MS4A5: variants seen among roughly 807,000 people sequenced by gnomAD.
MS4A5 encodes the protein membrane spanning 4-domains A5.
A neutral mutation model predicts 18.2 loss-of-function variants in MS4A5; 15 were observed. That is an observed-to-expected ratio of 0.83 (90% CI 0.55 to 1.27). MS4A5 has a LOEUF of 1.27. Ranked by LOEUF, MS4A5 falls within the 50% of genes most tolerant of loss-of-function variation. MS4A5 has a pLI of 0.00. For missense variants in MS4A5, 232 were observed against 225.7 expected, an observed-to-expected ratio of 1.03 and a Z score of -0.18; for synonymous variants, 89 against 78.7, an observed-to-expected ratio of 1.13 and a Z score of -0.69.
At chr11:60,440,258 C>A (rs2086103353) in intron 4 of MS4A5, among the ~76,000 whole-genome samples, 2 of 103,826 alleles carry the variant, frequency 1.9e-5, no homozygotes, top group South Asian at 3.6e-4. Flanking sequence ...TTCCTTACAC[C>A]TTATACAAAA....
intron 4 of MS4A5, among the ~76,000 whole-genome samples, chr11:60,435,843 C>T (rs1414572265): frequency 1.4e-4 from 21 of 151,742 alleles, no homozygotes; most frequent in African/African-American, 1.7e-4. Flanking sequence ...AAGGCGGCAG[C>T]AAGGCTGGGG....
Position 60,447,675 on chromosome 11 carries a change from C to A in MS4A5, c.519C>A (p.Phe173Leu), listed in dbSNP as rs368602041. The change falls in exon 5 of 5, where the codon TTC (phenylalanine) becomes TTA (leucine). Residue 173 changes from phenylalanine (F) to leucine (L), a missense_variant. Transcript: ENST00000300190. ...GAATTTTGATTACATTGATGACTTT[C>A]AGCATTATTGAATTATTCATTTCTC... ...FLGILITLMT[F>L]SIIELFISLP... The A allele has an allele frequency of 6.3e-6, 10 of 1,586,918 alleles. No homozygotes were observed. Among genetic ancestry groups the A allele is most frequent in the Non-Finnish European group, 8.5e-6 (10 of 1,171,996 alleles).
intron 4 of MS4A5, among the ~76,000 whole-genome samples, chr11:60,436,996 G>A (rs2086084006): frequency 7.4e-6 from 1 of 135,098 alleles, no homozygotes; most frequent in African/African-American, 2.6e-5. Context: ...GGAAATGAAG[G>A]AAAAAATGTT....
intron 4 of MS4A5, among the ~76,000 whole-genome samples, chr11:60,441,846 A>G (rs2086114989): frequency 6.6e-6 from 1 of 152,194 alleles, no homozygotes; most frequent in Non-Finnish European, 1.5e-5. Context: ...ACTAGTAACA[A>G]ACAAATAGAT....
chr11:60,442,623 C>T (rs1415656464), intron 4 of MS4A5, among the ~76,000 whole-genome samples: 1 of 152,124 alleles, frequency 6.6e-6, no homozygotes. Context: ...CCTGCACGTC[C>T]TGCACATGTA....
intron 4 of MS4A5, among the ~76,000 whole-genome samples, chr11:60,438,756 A>T (rs1258074930): frequency 6.7e-6 from 1 of 149,740 alleles, no homozygotes; most frequent in Non-Finnish European, 1.5e-5. Context: ...GACCAATAAC[A>T]GGAGCTGAAA....
intron 4 of MS4A5, among the ~76,000 whole-genome samples, chr11:60,436,421 T>A (rs2086081033): frequency 7.2e-6 from 1 of 139,670 alleles, no homozygotes; most frequent in South Asian, 2.3e-4. Flanking sequence ...CAAAGCTGGA[T>A]GGAGAATGAC....
At chr11:60,447,089 A>ATGCTCTGCTATCTTAT in intron 4 of MS4A5, among the ~76,000 whole-genome samples, 2 of 146,208 alleles carry the variant, frequency 1.4e-5, no homozygotes, top group African/African-American at 5.5e-5. Context: ...ATGCTATGCT[A>ATGCTCTGCTATCTTAT]GCTATGCTAT....
intron 4 of MS4A5, among the ~76,000 whole-genome samples, chr11:60,439,949 A>C (rs1483386653): frequency 1.4e-5 from 2 of 141,756 alleles, no homozygotes; most frequent in Admixed American, 7.4e-5. Context: ...TGGGACCAAA[A>C]AAGAGCCCAC....
At chr11:60,444,579 A>C (rs1013580886) in intron 4 of MS4A5, among the ~76,000 whole-genome samples, 11 of 152,186 alleles carry the variant, frequency 7.2e-5, no homozygotes, top group Non-Finnish European at 1.5e-4. Context: ...AATCAATAAT[A>C]AAAAGGCCAA....
At chr11:60,432,254 T>C (rs2135170962) in intron 2 of MS4A5, among the ~76,000 whole-genome samples, 157 bp from the exon 3 acceptor site, 1 of 152,300 alleles carries the variant, frequency 6.6e-6, no homozygotes, top group South Asian at 2.1e-4. Flanking sequence ...ATTCCATTTG[T>C]GGAAAGTCAT....
rs375838999 is a variant in MS4A5, at chr11:60,430,783, C to G, written c.154-13C>G. ...TTGCTTTTCCTCACCATGACTTTTTCCTCTATTTGCAGACTATCCAGATCC... is the reference window on the plus strand; with the variant it reads ...TTGCTTTTCCTCACCATGACTTTTTGCTCTATTTGCAGACTATCCAGATCC... On this transcript the variant is annotated splice_polypyrimidine_tract_variant and intron_variant, in intron 1 of 4. Coordinates refer to ENST00000300190, the MANE Select transcript of MS4A5 (RefSeq NM_023945.3). 3 of 1,607,620 alleles carry G rather than the reference C, an allele frequency of 1.9e-6. No homozygotes were observed. The highest frequency in any genetic ancestry group is 2.5e-6 in the Non-Finnish European group (3 of 1,178,846).
At chr11:60,437,136 G>T (rs949549818) in intron 4 of MS4A5, among the ~76,000 whole-genome samples, 3 of 139,940 alleles carry the variant, frequency 2.1e-5, no homozygotes, top group Admixed American at 1.6e-4. Context: ...TGAAAGAAAA[G>T]AATTTTCAAC....
chr11:60,437,558 A>G (rs940410733), intron 4 of MS4A5, among the ~76,000 whole-genome samples: 1 of 152,174 alleles, frequency 6.6e-6, no homozygotes, highest in African/African-American at 2.4e-5. Context: ...CATAGGCTCA[A>G]AATAAAAGGA....
intron 4 of MS4A5, among the ~76,000 whole-genome samples, chr11:60,434,715 T>C (rs1317591716): frequency 1.3e-5 from 2 of 152,188 alleles, no homozygotes; most frequent in Non-Finnish European, 1.5e-5. Flanking sequence ...GATCAATTTT[T>C]AGATGAAAGC....
chr11:60,429,928 CTTCT>C, intron 1 of MS4A5, 101 bp downstream of exon 1: 1 of 1,123,344 alleles, frequency 8.9e-7, no homozygotes, highest in Non-Finnish European at 1.3e-6. Context: ...TATTCCAATT[CTTCT>C]TTAAGACAAT....
intron 4 of MS4A5, among the ~76,000 whole-genome samples, chr11:60,442,131 T>C (rs1443721247): frequency 1.3e-5 from 2 of 152,202 alleles, no homozygotes; most frequent in East Asian, 3.8e-4. Context: ...ATGTCATATA[T>C]AGAATGAACA....
In MS4A5 at chr11:60,447,737, G is replaced by T. The variant is rs773843404; in HGVS notation, c.581G>T (p.Cys194Phe). The change falls in exon 5 of 5, where the codon TGT (cysteine) becomes TTT (phenylalanine). Residue 194 changes from cysteine (C) to phenylalanine (F), a missense_variant. Physicochemically the swap from Cys to Phe is radical, Grantham distance 205. Transcript: ENST00000300190. ...FSILGCHSED[C>F]DCEQCC is the part of the protein sequence containing the mutation. ...ATTTTGGGGTGCCACTCAGAGGATT[G>T]TGATTGTGAACAATGTTGTTGACTA... The T allele has an allele frequency of 3.1e-6, 5 of 1,593,844 alleles. No homozygotes were observed. In the South Asian group the frequency reaches 3.4e-5, roughly 11 times the overall value.
intron 4 of MS4A5, among the ~76,000 whole-genome samples, chr11:60,435,703 C>T (rs1328141314): frequency 1.3e-5 from 2 of 152,172 alleles, no homozygotes; most frequent in South Asian, 2.1e-4. Flanking sequence ...CACTCCCACC[C>T]GAATACTGCG....
Sources: gnomAD v4.1 joint callset for allele counts (sites outside exome capture counted in the v4.1 genomes callset) on GRCh38, gnomAD v4.1.1 for gene constraint, MANE v1.5 for transcripts, NCBI Gene and HGNC (gene_info 2026-07-23, HGNC 2026-07-21) for gene names.